The following MAD1L1 variants were observed in gnomAD, a reference collection of about 807,000 sequenced individuals.
The protein encoded by MAD1L1 is mitotic arrest deficient 1 like 1, also known as mitotic spindle assembly checkpoint protein MAD1.
In MAD1L1, 95 loss-of-function variants were observed where a neutral mutation model predicts 96.9. The observed-to-expected ratio is 0.98, with a 90% CI of 0.83 to 1.16. The LOEUF is 1.16. Among genes scored for constraint, MAD1L1 ranks in the 50% most tolerant of loss-of-function variants. The probability of loss-of-function intolerance (pLI) is 0.00; values close to 1 mark genes in which losing one functional copy is unlikely to be tolerated. For missense variants in MAD1L1, 1,007 were observed against 954.4 expected (o/e 1.06, Z -0.73); for synonymous variants, 473 against 396.6 (o/e 1.19, Z -2.29).
chr7:2,018,409 C>A (rs981649738), intron 12 of MAD1L1, among the ~76,000 whole-genome samples: 1 of 152,216 alleles, frequency 6.6e-6, no homozygotes, highest in African/African-American at 2.4e-5. Context: ...TGCTGTCTGC[C>A]TGGTTCTTCC....
chr7:2,228,092 GCCGCCATCACT>G (rs1794000848), intron 3 of MAD1L1, among the ~76,000 whole-genome samples: 2 of 152,190 alleles, frequency 1.3e-5, no homozygotes, highest in Admixed American at 1.3e-4. Context: ...GGCTGGTCTT[GCCGCCATCACT>G]CCGCTCACCA....
At chr7:2,197,185 G>C (rs553627524) in intron 10 of MAD1L1, among the ~76,000 whole-genome samples, 9 of 152,164 alleles carry the variant, frequency 5.9e-5, no homozygotes, top group African/African-American at 1.9e-4. Flanking sequence ...AACACTGTCC[G>C]AACACGCAGC....
At chr7:2,186,301 A>G (rs1791457116) in intron 10 of MAD1L1, among the ~76,000 whole-genome samples, 1 of 152,240 alleles carries the variant, frequency 6.6e-6, no homozygotes, top group Non-Finnish European at 1.5e-5. Flanking sequence ...AAAATTGGCA[A>G]CAACTGTAGT....
rs1783454604 is a variant in MAD1L1, at chr7:1,844,203, C to G, written c.1999-27975G>C. The G allele has an allele frequency of 1.9e-5, 3 of 154,514 alleles. No individual in the cohort carries two copies. The Admixed American group carries it at 2.0e-4, about 10-fold the overall frequency. The allele number at this position is 154,514 out of a possible 1,614,324, so 9.6% of individuals were successfully genotyped here. ...TGCCAGGGGCTCCCCGGGGACCTGA[C>G]GAGGGTCAACACTTTCCCACGACCC... is the stretch of plus-strand genomic sequence containing the variant. On this transcript the variant is annotated intron_variant, in intron 18 of 18. Coordinates refer to ENST00000265854, the MANE Select transcript of MAD1L1 (RefSeq NM_001013836.2).
At chr7:1,925,569 C>T (rs1244160538) in intron 17 of MAD1L1, among the ~76,000 whole-genome samples, 1 of 152,328 alleles carries the variant, frequency 6.6e-6, no homozygotes, top group African/African-American at 2.4e-5. Flanking sequence ...TACAACAGCA[C>T]GAATCCACTC....
chr7:2,078,989 G>A (rs1052439849), intron 11 of MAD1L1, among the ~76,000 whole-genome samples: 1 of 151,716 alleles, frequency 6.6e-6, no homozygotes, highest in East Asian at 1.9e-4. Context: ...CAACAGCACT[G>A]CCACACAGGT....
intron 18 of MAD1L1, among the ~76,000 whole-genome samples, chr7:1,853,927 A>G (rs1408399974): frequency 6.6e-6 from 1 of 152,194 alleles, no homozygotes; most frequent in African/African-American, 2.4e-5. Context: ...GCCAGCCAGA[A>G]AGGCCATCTT....
Position 1,944,721 on chromosome 7 carries a change from C to G in MAD1L1, c.1597-7824G>C, listed in dbSNP as rs181128071. Among the ~76,000 whole-genome samples the G allele has an allele frequency of 2.0e-4, 30 of 152,326 alleles. No individual in the cohort carries two copies. The East Asian group carries it at 3.3e-3, about 17-fold the overall frequency. On this transcript the variant is annotated intron_variant, in intron 16 of 18. Transcript: ENST00000265854. Reference sequence around the variant, plus strand: ...GCACAGTGGCCTGACCATCACCCCCCACCCCGTCGGCCCTCTCCCACTCCT... The same window carrying G: ...GCACAGTGGCCTGACCATCACCCCCGACCCCGTCGGCCCTCTCCCACTCCT...
At chr7:1,828,909 T>C (rs1782563912) in intron 18 of MAD1L1, among the ~76,000 whole-genome samples, 6 of 152,032 alleles carry the variant, frequency 3.9e-5, no homozygotes, top group Admixed American at 3.9e-4. Context: ...AAATTGACCT[T>C]CTAAGGATGA....
intron 18 of MAD1L1, among the ~76,000 whole-genome samples, chr7:1,817,295 A>G (rs1211316625): frequency 6.6e-6 from 1 of 152,146 alleles, no homozygotes; most frequent in Admixed American, 6.5e-5. Context: ...CTGGACGCAG[A>G]GTCCATGGGC....
At chr7:2,009,633 C>A (rs1782200112) in intron 13 of MAD1L1, among the ~76,000 whole-genome samples, 1 of 152,166 alleles carries the variant, frequency 6.6e-6, no homozygotes, top group Non-Finnish European at 1.5e-5. Flanking sequence ...TGACTGTGAG[C>A]CCAGCGCTGG....
At chr7:2,037,348 G>A (rs963752935) in intron 12 of MAD1L1, among the ~76,000 whole-genome samples, 1 of 152,130 alleles carries the variant, frequency 6.6e-6, no homozygotes, top group Non-Finnish European at 1.5e-5. Context: ...TAAGGAGCCA[G>A]CATGGACCCA....
At chr7:2,098,972 A>G (rs888321682) in intron 11 of MAD1L1, among the ~76,000 whole-genome samples, 5 of 152,220 alleles carry the variant, frequency 3.3e-5, no homozygotes, top group Non-Finnish European at 7.3e-5. Flanking sequence ...CTTATAGAGG[A>G]AACAACAGGA....
At chr7:1,995,255 C>T (rs1050299095) in intron 14 of MAD1L1, among the ~76,000 whole-genome samples, 1 of 152,180 alleles carries the variant, frequency 6.6e-6, no homozygotes, top group Non-Finnish European at 1.5e-5. Flanking sequence ...TGAGGCTGGA[C>T]GCAGGGAAAC....
intron 11 of MAD1L1, among the ~76,000 whole-genome samples, chr7:2,102,614 G>T (rs554919052): frequency 6.7e-6 from 1 of 148,684 alleles, no homozygotes; most frequent in East Asian, 2.0e-4. Flanking sequence ...GTGACACCAC[G>T]GTCTCCACCA....
At chr7:2,015,188 T>C (rs1782480839) in intron 12 of MAD1L1, among the ~76,000 whole-genome samples, 1 of 152,214 alleles carries the variant, frequency 6.6e-6, no homozygotes. Flanking sequence ...ACCAGGAAGC[T>C]GCTGCGTTCC....
At chr7:2,030,827 C>T (rs1783194500) in intron 12 of MAD1L1, among the ~76,000 whole-genome samples, 1 of 152,218 alleles carries the variant, frequency 6.6e-6, no homozygotes, top group South Asian at 2.1e-4. Context: ...CCTCCTCAGC[C>T]CCCAACCTGC....
chr7:1,973,742 A>G (rs1780508050), intron 15 of MAD1L1, among the ~76,000 whole-genome samples: 1 of 152,124 alleles, frequency 6.6e-6, no homozygotes, highest in African/African-American at 2.4e-5. Flanking sequence ...TGGGGGTTGA[A>G]GACCCCCCTC....
intron 10 of MAD1L1, among the ~76,000 whole-genome samples, chr7:2,205,171 G>A (rs1029831799): frequency 3.6e-5 from 5 of 138,838 alleles, no homozygotes; most frequent in African/African-American, 1.3e-4. Context: ...TAAACTTCAA[G>A]GCAAGGAAAA....
Sources: gnomAD v4.1 joint callset for allele counts (sites outside exome capture counted in the v4.1 genomes callset) on GRCh38, gnomAD v4.1.1 for gene constraint, MANE v1.5 for transcripts, NCBI Gene and HGNC (gene_info 2026-07-23, HGNC 2026-07-21) for gene names.